ATP6AP2: variants seen among roughly 807,000 people sequenced by gnomAD.
ATP6AP2 encodes ATPase H+ transporting accessory protein 2.
A neutral mutation model predicts 23.4 loss-of-function variants in ATP6AP2; 1 was observed. That is an observed-to-expected ratio of 0.04 (90% CI 0.02 to 0.20). The LOEUF (loss-of-function observed/expected upper bound fraction) is 0.20, where lower values mean the gene tolerates loss of function less well. Among genes scored for constraint, ATP6AP2 ranks in the 10% least tolerant of loss-of-function variants. The pLI is 1.00. For missense variants in ATP6AP2, 174 were observed against 271.3 expected (o/e 0.64, Z 2.52); for synonymous variants, 90 against 97.1 (o/e 0.93, Z 0.43).
chrX:40,605,798 C>G lies in ATP6AP2; in HGVS notation c.*43C>G. On this transcript the variant is annotated 3_prime_UTR_variant, in exon 9 of 9. Coordinates refer to ENST00000636580, the MANE Select transcript of ATP6AP2 (RefSeq NM_005765.3). ...ATTAGAAAAGGGGGTTGGAAATTGG[C>G]TGTTTTGTTAAAATATATCTTTTAG... 1 of 1,093,704 alleles carries G rather than the reference C, an allele frequency of 9.1e-7. No individual in the cohort carries two copies. Among genetic ancestry groups the G allele is most frequent in the Non-Finnish European group, 1.3e-6 (1 of 790,727 alleles). The allele number at this position is 1,093,704 out of a possible 1,213,427, so 90.1% of individuals were successfully genotyped here. A position where few individuals can be genotyped will look rare whatever the true frequency, so the allele number is the denominator to read the frequency against.
At chrX:40,593,301 T>TC in intron 3 of ATP6AP2, among the ~76,000 whole-genome samples, 1 of 110,085 alleles carries the variant, frequency 9.1e-6, no homozygotes, top group East Asian at 2.9e-4. Flanking sequence ...TCCACCCGTC[T>TC]CCCCCAGCGT....
rs1387362058 is a variant in ATP6AP2 at position 40,606,790 on chromosome X, C to G, written c.*1035C>G. The stretch of plus-strand genomic sequence containing the variant: ...TCTCGCTGCCTCCTGAGATTTAGTA[C>G]TAATGTAAGGAAGGCATTTTAATTA... On this transcript the variant is annotated 3_prime_UTR_variant, in exon 9 of 9. Coordinates refer to ENST00000636580, the MANE Select transcript of ATP6AP2 (RefSeq NM_005765.3). 1 of 111,631 alleles carries G rather than the reference C, an allele frequency of 9.0e-6. No individual in the cohort carries two copies. Among genetic ancestry groups the G allele is most frequent in the Non-Finnish European group, 1.9e-5 (1 of 53,070 alleles). 9.2% of individuals were successfully genotyped at this position (111,631 alleles called of 1,213,427 possible).
chrX:40,586,504 G>A (rs1456446317), intron 1 of ATP6AP2, among the ~76,000 whole-genome samples: 1 of 111,792 alleles, frequency 8.9e-6, no homozygotes, highest in Non-Finnish European at 1.9e-5. Context: ...TGTTTTCTCT[G>A]TGAAGCTGGA....
In ATP6AP2 at chrX:40,605,486, A is replaced by C. The variant is rs1056827713; in HGVS notation, c.859-75A>C. ...GAAATGTTTGTTAGACAAATGAATCACAGTCACTAGACTGGGATAATTTCC... is the reference window on the plus strand; with the variant it reads ...GAAATGTTTGTTAGACAAATGAATCCCAGTCACTAGACTGGGATAATTTCC... On this transcript the variant is annotated intron_variant, in intron 8 of 8. Transcript: ENST00000636580. The C allele has an allele frequency of 3.4e-6, 3 of 886,215 alleles. No homozygotes were observed. The African/African-American group carries it at 5.9e-5, about 18-fold the overall frequency. The allele number at this position is 886,215 out of a possible 1,213,427, so 73.0% of individuals were successfully genotyped here. A position where few individuals can be genotyped will look rare whatever the true frequency, so the allele number is the denominator to read the frequency against.
intron 8 of ATP6AP2, chrX:40,605,201 A>G (rs1169865291): frequency 1.2e-5 from 2 of 165,653 alleles, no homozygotes; most frequent in East Asian, 3.2e-4. Context: ...AAGTGCTGAG[A>G]TTACAGGCAT....
Position 40,597,573 on chromosome X carries a change from C to T in ATP6AP2, c.443C>T (p.Ser148Leu), listed in dbSNP as rs757515632. The change falls in exon 5 of 9, where the codon TCA becomes TTA. Residue 148 changes from serine (S) to leucine (L), a missense_variant. Coordinates refer to ENST00000636580, the MANE Select transcript of ATP6AP2 (RefSeq NM_005765.3). ...GKANSVFEDL[S>L]VTLRQLRNRL... ...GCAAACTCAGTGTTTGAAGACCTTT[C>T]AGTCACCTTGCGCCAGCTCCGTAAT... is the stretch of plus-strand genomic sequence containing the variant. 2.5e-6 allele frequency: 3 copies of T among 1,210,247 alleles called. No homozygotes were observed. Among genetic ancestry groups the T allele is most frequent in the Non-Finnish European group, 3.4e-6 (3 of 893,946 alleles).
intron 8 of ATP6AP2, among the ~76,000 whole-genome samples, chrX:40,601,225 A>G (rs1395609803): frequency 9.0e-6 from 1 of 111,467 alleles, no homozygotes; most frequent in African/African-American, 3.3e-5. Context: ...GCTTCTCAGG[A>G]GGCCAAGGCA....
intron 3 of ATP6AP2, chrX:40,591,665 T>C: frequency 3.7e-6 from 1 of 267,693 alleles, no homozygotes; most frequent in Non-Finnish European, 6.8e-6. Context: ...CCAGTTGGGG[T>C]TGTATCCTGC....
chrX:40,584,305 T>C (rs960108116), intron 1 of ATP6AP2, among the ~76,000 whole-genome samples: 5 of 108,677 alleles, frequency 4.6e-5, no homozygotes, highest in Admixed American at 3.9e-4. Context: ...ATCCTCCTCC[T>C]CAGCCTCCCA....
At chrX:40,591,209 C>T in intron 2 of ATP6AP2, 25 bp from the exon 3 acceptor site, 1 of 1,209,537 alleles carries the variant, frequency 8.3e-7, no homozygotes, top group South Asian at 1.8e-5. Context: ...TAATTAAGCA[C>T]CGCTTTGTGC....
intron 3 of ATP6AP2, among the ~76,000 whole-genome samples, chrX:40,594,561 G>A (rs759566829): frequency 6.2e-5 from 7 of 112,728 alleles, no homozygotes; most frequent in South Asian, 3.6e-4. Context: ...GAAGCAGAGC[G>A]CATGGATGGC....
At chrX:40,585,717 G>T in intron 1 of ATP6AP2, among the ~76,000 whole-genome samples, 1 of 110,680 alleles carries the variant, frequency 9.0e-6, no homozygotes, top group Non-Finnish European at 1.9e-5. Flanking sequence ...TTAGCCAGAC[G>T]TGGTGGTGCG....
chrX:40,598,494 T>C, intron 5 of ATP6AP2, 187 bp from the exon 6 acceptor site: 1 of 482,361 alleles, frequency 2.1e-6, no homozygotes, highest in Non-Finnish European at 3.5e-6. Flanking sequence ...GGCCATCACC[T>C]TTTTGTTAGG....
chrX:40,604,796 C>T (rs1344931966), intron 8 of ATP6AP2, among the ~76,000 whole-genome samples: 1 of 111,675 alleles, frequency 9.0e-6, no homozygotes. Flanking sequence ...AATCATACTA[C>T]ATGTATTTTT....
At chrX:40,601,514 T>C (rs1926904344) in intron 8 of ATP6AP2, among the ~76,000 whole-genome samples, 1 of 111,975 alleles carries the variant, frequency 8.9e-6, no homozygotes, top group Non-Finnish European at 1.9e-5. Flanking sequence ...GGGTTAAGCA[T>C]TACCATGGTT....
chrX:40,596,232 A>T (rs925141402), intron 3 of ATP6AP2, among the ~76,000 whole-genome samples: 6 of 111,280 alleles, frequency 5.4e-5, no homozygotes, highest in Non-Finnish European at 1.1e-4. Flanking sequence ...AATCACATTG[A>T]TTTCTGCCTG....
chrX:40,589,000 G>A lies in ATP6AP2; in HGVS notation c.52G>A (p.Glu18Lys). 2.5e-6 allele frequency: 3 copies of A among 1,209,767 alleles called. No individual in the cohort carries two copies. The highest frequency in any genetic ancestry group is 3.4e-6 in the Non-Finnish European group (3 of 894,259). ...TTTCTTTTCAGGTGTTTTGGGGAAC[G>A]AGTTTAGTATATTAAAATCACCAGG... ...LALVAGVLGN[E>K]FSILKSPGSV... Residue 18 changes from glutamate (E) to lysine (K), a missense_variant, in exon 2 of 9, where the codon GAG becomes AAG. Glu to Lys is a moderately conservative substitution (Grantham distance 56). Transcript: ENST00000636580.
chrX:40,599,885 G>T, intron 7 of ATP6AP2, 144 bp downstream of exon 7: 1 of 685,130 alleles, frequency 1.5e-6, no homozygotes, highest in East Asian at 3.5e-5. Flanking sequence ...GGCCAAGGAT[G>T]GAGTAGGGTC....
chrX:40,599,649 C>G lies in ATP6AP2; in HGVS notation c.646C>G (p.Leu216Val), dbSNP rs888828188. 8.3e-7 allele frequency: 1 copy of G among 1,209,153 alleles called. No homozygotes were observed. The highest frequency in any genetic ancestry group is 1.8e-5 in the African/African-American group (1 of 57,097). Residue 216 changes from leucine to valine, a missense_variant, in exon 7 of 9, where the codon CTG becomes GTG. Leu to Val is a conservative substitution (Grantham distance 32). Coordinates refer to ENST00000636580, the MANE Select transcript of ATP6AP2 (RefSeq NM_005765.3). Reference protein sequence around the residue: ...DHSPDLYSLELAGLDEIGKRY... With the variant: ...DHSPDLYSLEVAGLDEIGKRY... Reference sequence around the variant, plus strand: ...TTCTCCTGATTTATATTCACTGGAGCTGGCAGGTTTGGATGAAATTGGGAA... The same window carrying G: ...TTCTCCTGATTTATATTCACTGGAGGTGGCAGGTTTGGATGAAATTGGGAA...
Sources: gnomAD v4.1 joint callset for allele counts (sites outside exome capture counted in the v4.1 genomes callset) on GRCh38, gnomAD v4.1.1 for gene constraint, MANE v1.5 for transcripts, NCBI Gene and HGNC (gene_info 2026-07-23, HGNC 2026-07-21) for gene names.